Variants in EFS observed in about 807,000 individuals in gnomAD.
The protein encoded by EFS is embryonal Fyn-associated substrate, also known as Cas scaffolding protein family member 3.
EFS carries 34 observed loss-of-function variants against 42.2 expected under a neutral mutation model. That is an observed-to-expected ratio of 0.81 (90% CI 0.61 to 1.07). The LOEUF is 1.07. Ranked by LOEUF, EFS falls within the 50% of genes least tolerant of loss-of-function variation. The pLI, the probability that EFS is intolerant of heterozygous loss-of-function variation, is 0.00. For synonymous variants in EFS, 299 were observed against 320.7 expected, an observed-to-expected ratio of 0.93 and a Z score of 0.72; for missense variants, 717 against 729.4, an observed-to-expected ratio of 0.98 and a Z score of 0.20.
intron 1 of EFS, among the ~76,000 whole-genome samples, chr14:23,361,917 A>G (rs1220392923): frequency 7.9e-5 from 12 of 152,252 alleles, no homozygotes; most frequent in African/African-American, 2.9e-4. Flanking sequence ...TATCGCTGGC[A>G]CAGCTTGTGG....
In EFS at chr14:23,357,036, T is replaced by C. The variant is rs1237334016; in HGVS notation, c.*190A>G. 1 of 435,912 alleles carries C rather than the reference T, an allele frequency of 2.3e-6. No individual in the cohort carries two copies. Among genetic ancestry groups the C allele is most frequent in the African/African-American group, 2.0e-5 (1 of 49,706 alleles). The allele number at this position is 435,912 out of a possible 1,614,324, so 27.0% of individuals were successfully genotyped here. A position where few individuals can be genotyped will look rare whatever the true frequency, so the allele number is the denominator to read the frequency against. On this transcript the variant is annotated 3_prime_UTR_variant, in exon 6 of 6. Transcript: ENST00000216733. ...TTAAATATAAATAATTTACACAAAA[T>C]GGCTTGTACAAAAAGCTGTAGGTTA...
intron 4 of EFS, 60 bp from the exon 5 acceptor site, chr14:23,359,025 T>A: frequency 2.7e-6 from 4 of 1,458,308 alleles, no homozygotes; most frequent in Non-Finnish European, 3.7e-6. Flanking sequence ...GTGGCCTCTG[T>A]GGCCTTTCTG....
intron 1 of EFS, among the ~76,000 whole-genome samples, chr14:23,364,056 C>T (rs145720346): frequency 1.3e-5 from 2 of 152,280 alleles, no homozygotes; most frequent in African/African-American, 4.8e-5. Flanking sequence ...CGAGAGTCCC[C>T]ACTGAGAAGG....
chr14:23,357,389 C>A lies in EFS; in HGVS notation c.1523G>T (p.Gly508Val), dbSNP rs757517594. Residue 508 changes from glycine to valine, a missense_variant, in exon 6 of 6, where the codon GGT (glycine) becomes GTT (valine). Transcript: ENST00000216733. ...APLRAQVRAA[G>V]TALGQALRAT... ...CCGCAATGCCTGGCCCAGTGCTGTA[C>A]CTGCAGCCCTGACCTGTGCTCTCAG... 6.2e-7 allele frequency: 1 copy of A among 1,609,116 alleles called. No homozygotes were observed. The highest frequency in any genetic ancestry group is 1.3e-5 in the African/African-American group (1 of 74,844).
chr14:23,365,072 C>T lies in EFS; in HGVS notation c.-47G>A. 7.8e-7 allele frequency: 1 copy of T among 1,278,412 alleles called. No homozygotes were observed. The highest frequency in any genetic ancestry group is 3.2e-5 in the South Asian group (1 of 30,938). The allele number at this position is 1,278,412 out of a possible 1,614,324, so 79.2% of individuals were successfully genotyped here. A position where few individuals can be genotyped will look rare whatever the true frequency, so the allele number is the denominator to read the frequency against. The stretch of plus-strand genomic sequence containing the variant: ...CTGCCTCAGGCCAGGCTCGGTTTTG[C>T]TGACTTCAGCGGTGGCTGCCCCGCA... On this transcript the variant is annotated 5_prime_UTR_variant, in exon 1 of 6. Coordinates refer to ENST00000216733, the MANE Select transcript of EFS (RefSeq NM_005864.4). This position sits in a 1 kb window ranked among gnomAD's most constrained non-coding sequence, Gnocchi z 5.3.
At chr14:23,364,815 C>G (rs1166046441) in intron 1 of EFS, among the ~76,000 whole-genome samples, 193 bp downstream of exon 1, 2 of 151,650 alleles carry the variant, frequency 1.3e-5, no homozygotes, top group South Asian at 2.1e-4. Flanking sequence ...GGGGCGAGCC[C>G]GGAGCCAGGA....
Position 23,359,996 on chromosome 14 carries a change from C to T in EFS, c.482G>A (p.Gly161Asp). The T allele has an allele frequency of 6.2e-7, 1 of 1,600,284 alleles. No homozygotes were observed. The highest frequency in any genetic ancestry group is 1.1e-5 in the South Asian group (1 of 88,832). Residue 161 changes from glycine to aspartate, a missense_variant, in exon 4 of 6, where the codon GGC becomes GAC. By Grantham distance (94) the Gly-to-Asp change is moderately conservative. Coordinates refer to ENST00000216733, the MANE Select transcript of EFS (RefSeq NM_005864.4). ...AAAGGAGGCAGGGCAGTCATAGGGG[C>T]CACTGGAGGGCACCCGGAGGGCGGT... is the stretch of plus-strand genomic sequence containing the variant. ...PPTALRVPSS[G>D]PYDCPASFSH...
In EFS at chr14:23,359,485, G is replaced by T. The variant is rs1890045177; in HGVS notation, c.993C>A (p.Ser331Arg). The part of the protein sequence containing the change: ...VPSPAPGRKG[S>R]IQDRPLPPPP... Reference sequence around the variant, plus strand: ...GTGGGGGCAGAGGCCGGTCCTGGATGCTGCCCTTCCGGCCTGGGGCAGGAG... The same window carrying T: ...GTGGGGGCAGAGGCCGGTCCTGGATTCTGCCCTTCCGGCCTGGGGCAGGAG... The change falls in exon 4 of 6, where the codon AGC (serine) becomes AGA (arginine). Residue 331 changes from serine to arginine, a missense_variant. Transcript: ENST00000216733. 2 of 1,583,350 alleles carry T rather than the reference G, an allele frequency of 1.3e-6. No homozygotes were observed. The highest frequency in any genetic ancestry group is 4.5e-5 in the East Asian group (2 of 44,046).
At position 23,360,615 on chromosome 14, in the gene EFS, C is replaced by T. The variant is rs141340036; in HGVS notation, c.237G>A (p.Ala79=). 21 of 1,595,662 alleles carry T rather than the reference C, an allele frequency of 1.3e-5. No individual in the cohort carries two copies. The highest frequency in any genetic ancestry group is 2.3e-5 in the South Asian group (2 of 88,268). The change falls in exon 2 of 6, where the codon GCG becomes GCA. Residue 79 remains alanine, a synonymous_variant. Transcript: ENST00000216733. The stretch of plus-strand genomic sequence containing the variant: ...ATGGTGAGCCAGGCTGGGCTGGGGA[C>T]GCAGGAGAGAGGCTGGGCTTGGGTG... ...GPAPKPSLSP[A]SPAQPGSPYP...
chr14:23,360,775 A>T lies in EFS; in HGVS notation c.77T>A (p.Phe26Tyr), dbSNP rs1459834488. Reference sequence around the variant, plus strand: ...GACCCGTAGGACATCCCCTCGGCGGAAGGACAGCTCCTGGGGGGACTCAGC... The same window carrying T: ...GACCCGTAGGACATCCCCTCGGCGGTAGGACAGCTCCTGGGGGGACTCAGC... ...NTAESPQELSFRRGDVLRVLQ... is the reference protein window; with the variant it reads ...NTAESPQELSYRRGDVLRVLQ... The change falls in exon 2 of 6, where the codon TTC becomes TAC. Residue 26 changes from phenylalanine (F) to tyrosine (Y), a missense_variant. Phe to Tyr is a conservative substitution (Grantham distance 22, BLOSUM62 3). Coordinates refer to ENST00000216733, the MANE Select transcript of EFS (RefSeq NM_005864.4). 6 of 1,613,842 alleles carry T rather than the reference A, an allele frequency of 3.7e-6. No individual in the cohort carries two copies. Among genetic ancestry groups the T allele is most frequent in the Non-Finnish European group, 5.1e-6 (6 of 1,179,970 alleles).
rs768974432 is a variant in EFS, at chr14:23,357,192, G to T, written c.*34C>A. ...CAAGGCCTAAAGGGGGGCTTTGGCA[G>T]GCAGGGGAGGAGCAGAGCTGTGCCA... On this transcript the variant is annotated 3_prime_UTR_variant, in exon 6 of 6. Transcript: ENST00000216733. 1.3e-6 allele frequency: 2 copies of T among 1,485,860 alleles called. No individual in the cohort carries two copies. Among genetic ancestry groups the T allele is most frequent in the South Asian group, 1.4e-5 (1 of 69,950 alleles). 92.0% of individuals were successfully genotyped at this position (1,485,860 alleles called of 1,614,324 possible).
chr14:23,362,606 A>C (rs544553245), intron 1 of EFS, among the ~76,000 whole-genome samples: 67 of 152,360 alleles, frequency 4.4e-4, no homozygotes, highest in African/African-American at 1.6e-3. Context: ...GATGACACAA[A>C]TTCCCGGTTA....
Position 23,360,251 on chromosome 14 carries a change from AG to A in EFS, c.327del (p.Cys110ValfsTer64), listed in dbSNP as rs1163937250. ...CCAGCTGGAGGTCCTGAGGTTGGAC[AG>A]GGCCGAGCTGGGGGCGGCACCACAT... ...EVYVVPPPAR[P>X]CPTSGPPAGP... On this transcript the variant is annotated frameshift_variant, in exon 3 of 6. Transcript: ENST00000216733. LOFTEE classifies it high-confidence loss of function. 1 of 1,613,692 alleles carries A rather than the reference AG, an allele frequency of 6.2e-7. No homozygotes were observed. The highest frequency in any genetic ancestry group is 8.5e-7 in the Non-Finnish European group (1 of 1,179,862).
At chr14:23,360,385 G>A in intron 2 of EFS, 104 bp from the exon 3 acceptor site, 3 of 1,506,788 alleles carry the variant, frequency 2.0e-6, no homozygotes, top group South Asian at 1.3e-5. Context: ...TCCCTGTATC[G>A]AGAGGGCCAC....
intron 4 of EFS, 74 bp from the exon 5 acceptor site, chr14:23,359,039 C>A: frequency 7.3e-7 from 1 of 1,366,908 alleles, no homozygotes; most frequent in Non-Finnish European, 1.0e-6. Flanking sequence ...CTTTCTGCCC[C>A]TTCCCCGGAC....
chr14:23,359,862 A>C lies in EFS; in HGVS notation c.616T>G (p.Trp206Gly), dbSNP rs1890072974. ...GGCCCCGGCTCCCGGCCTCCTTCCC[A>C]CTCCAGATCTGGTTCCAGCTCTGCA... The part of the protein sequence containing the change: ...PPAELEPDLE[W>G]EGGREPGPPI... Residue 206 changes from tryptophan (W) to glycine (G), a missense_variant, in exon 4 of 6, where the codon TGG becomes GGG. Transcript: ENST00000216733. 1 of 1,522,586 alleles carries C rather than the reference A, an allele frequency of 6.6e-7. No homozygotes were observed. The highest frequency in any genetic ancestry group is 1.4e-5 in the African/African-American group (1 of 71,386). The allele number at this position is 1,522,586 out of a possible 1,614,324, so 94.3% of individuals were successfully genotyped here.
chr14:23,360,837 GT>G lies in EFS; in HGVS notation c.19-5del. The G allele has an allele frequency of 1.2e-6, 2 of 1,607,126 alleles. No individual in the cohort carries two copies. Among genetic ancestry groups the G allele is most frequent in the African/African-American group, 2.7e-5 (2 of 74,902 alleles). ...ACAGTGCCCGGGCCAGCTGGGTCTG[GT>G]TGGGGAGGTGGGAGTGGGGAGAAGG... On this transcript the variant is annotated splice_region_variant and splice_polypyrimidine_tract_variant and intron_variant, in intron 1 of 5. Coordinates refer to ENST00000216733, the MANE Select transcript of EFS (RefSeq NM_005864.4).
At position 23,357,480 on chromosome 14, in the gene EFS, C is replaced by T. The variant is rs1889960925; in HGVS notation, c.1432G>A (p.Val478Met). ...RLFVPHSKRV[V>M]VAAHRLVFVG... The stretch of plus-strand genomic sequence containing the variant: ...AACACCAGGCGATGAGCAGCCACCA[C>T]CACCCTCTTGCTGTGGGGCACGAAA... The change falls in exon 6 of 6, where the codon GTG becomes ATG. Residue 478 changes from valine (V) to methionine (M), a missense_variant. Physicochemically the swap from Val to Met is conservative, Grantham distance 21. Coordinates refer to ENST00000216733, the MANE Select transcript of EFS (RefSeq NM_005864.4). 1 of 1,614,030 alleles carries T rather than the reference C, an allele frequency of 6.2e-7. No homozygotes were observed. The highest frequency in any genetic ancestry group is 1.7e-5 in the Admixed American group (1 of 60,030).
At position 23,359,870 on chromosome 14, in the gene EFS, T is replaced by G. The variant is rs1194111473; in HGVS notation, c.608A>C (p.Asp203Ala). 1 of 1,529,828 alleles carries G rather than the reference T, an allele frequency of 6.5e-7. No individual in the cohort carries two copies. 94.8% of individuals were successfully genotyped at this position (1,529,828 alleles called of 1,614,324 possible). The stretch of plus-strand genomic sequence containing the variant: ...CTCCCGGCCTCCTTCCCACTCCAGA[T>G]CTGGTTCCAGCTCTGCAGGTGGCTT... ...TPKPPAELEP[D>A]LEWEGGREPG... Residue 203 changes from aspartate to alanine, a missense_variant, in exon 4 of 6, where the codon GAT becomes GCT. Asp to Ala is a moderately radical substitution (Grantham distance 126, BLOSUM62 -2). Transcript: ENST00000216733.
Sources: allele counts gnomAD v4.1 joint callset (sites outside exome capture counted in the v4.1 genomes callset), GRCh38; gene constraint gnomAD v4.1.1; non-coding constraint Gnocchi (gnomAD v3.1); transcripts MANE v1.5; gene names NCBI Gene and HGNC (gene_info 2026-07-23, HGNC 2026-07-21).